Variants in ZDHHC14 observed in about 807,000 individuals in gnomAD.
ZDHHC14 encodes the protein palmitoyltransferase ZDHHC14.
Under a neutral mutation model 47.7 loss-of-function variants are expected in ZDHHC14, and 16 were observed. That is an observed-to-expected ratio of 0.34 (90% CI 0.23 to 0.51). The LOEUF is 0.51. Among genes scored for constraint, ZDHHC14 ranks in the 20% least tolerant of loss-of-function variants. The probability of loss-of-function intolerance (pLI) is 0.97; values close to 1 mark genes in which losing one functional copy is unlikely to be tolerated. For missense variants in ZDHHC14, 515 were observed against 662.5 expected (o/e 0.78, Z 2.44); for synonymous variants, 293 against 278.9 (o/e 1.05, Z -0.50).
intron 1 of ZDHHC14, among the ~76,000 whole-genome samples, chr6:157,528,257 T>C (rs1781227910): frequency 6.6e-6 from 1 of 152,240 alleles, no homozygotes; most frequent in African/African-American, 2.4e-5. Flanking sequence ...GGAATACTTC[T>C]GTTGTATTTC....
At chr6:157,660,942 T>G (rs1778319281) in intron 8 of ZDHHC14, among the ~76,000 whole-genome samples, 4 of 152,180 alleles carry the variant, frequency 2.6e-5, no homozygotes, top group Non-Finnish European at 4.4e-5. Flanking sequence ...CGGAATGTGC[T>G]AGAATGTGAC....
Position 157,608,218 on chromosome 6 carries a change from C to T in ZDHHC14, c.565+15072C>T, listed in dbSNP as rs193167615. ...GGCGTCCTCAGAGCTGTACCCAGAG[C>T]GAGAAGCACGTCATTCATTCACCCT... is the stretch of plus-strand genomic sequence containing the variant. On this transcript the variant is annotated intron_variant, in intron 3 of 8. Transcript: ENST00000359775. 1.1e-4 allele frequency among the ~76,000 whole-genome samples: 16 copies of T among 152,250 alleles called. No individual in the cohort carries two copies. In the East Asian group the frequency reaches 2.9e-3, roughly 28 times the overall value.
At chr6:157,501,053 A>G (rs565008175) in intron 1 of ZDHHC14, among the ~76,000 whole-genome samples, 15 of 152,340 alleles carry the variant, frequency 9.8e-5, no homozygotes, top group African/African-American at 3.6e-4. Context: ...TGGTAATCCT[A>G]GACAGAATCA....
At chr6:157,392,820 T>A (rs1267536170) in intron 1 of ZDHHC14, among the ~76,000 whole-genome samples, 1 of 152,222 alleles carries the variant, frequency 6.6e-6, no homozygotes, top group Non-Finnish European at 1.5e-5. Flanking sequence ...CTAGAGACTT[T>A]GGAGGTAGAC....
intron 1 of ZDHHC14, among the ~76,000 whole-genome samples, chr6:157,430,436 CAG>C (rs967439219): frequency 6.6e-6 from 1 of 152,112 alleles, no homozygotes; most frequent in Non-Finnish European, 1.5e-5. Flanking sequence ...CTGGAGGCCC[CAG>C]AGAGAACCTG....
At chr6:157,407,435 C>T (rs1777786422) in intron 1 of ZDHHC14, among the ~76,000 whole-genome samples, 1 of 152,194 alleles carries the variant, frequency 6.6e-6, no homozygotes, top group Non-Finnish European at 1.5e-5. Flanking sequence ...TTAAATTTTG[C>T]TTTCCTGTTA....
chr6:157,510,904 G>A (rs1191892977), intron 1 of ZDHHC14, among the ~76,000 whole-genome samples: 1 of 152,174 alleles, frequency 6.6e-6, no homozygotes, highest in African/African-American at 2.4e-5. Context: ...ACCATACCGG[G>A]GCTGCTTCCT....
chr6:157,449,911 A>G (rs924765740), intron 1 of ZDHHC14, among the ~76,000 whole-genome samples: 3 of 152,150 alleles, frequency 2.0e-5, no homozygotes, highest in East Asian at 1.9e-4. Flanking sequence ...CTTTCTAACC[A>G]TGTGAACTTG....
In ZDHHC14 at chr6:157,676,207, G is replaced by T. The variant is rs923382266; in HGVS notation, c.*3085G>T. 3 of 152,292 alleles carry T rather than the reference G, an allele frequency of 2.0e-5. No individual in the cohort carries two copies. Among genetic ancestry groups the T allele is most frequent in the African/African-American group, 7.2e-5 (3 of 41,472 alleles). 9.4% of individuals were successfully genotyped at this position (152,292 alleles called of 1,614,324 possible). A position where few individuals can be genotyped will look rare whatever the true frequency, so the allele number is the denominator to read the frequency against. On this transcript the variant is annotated 3_prime_UTR_variant, in exon 9 of 9. Coordinates refer to ENST00000359775, the MANE Select transcript of ZDHHC14 (RefSeq NM_024630.3). ...AAGGTGGCAGACAGACTGCATCCAG[G>T]AGGGCACAGTGACCTGTCACTCCGT...
intron 1 of ZDHHC14, among the ~76,000 whole-genome samples, chr6:157,457,140 C>T (rs930491362): frequency 4.0e-5 from 6 of 148,424 alleles, no homozygotes; most frequent in African/African-American, 7.5e-5. Flanking sequence ...CACCATTGCA[C>T]TCCAGCCTGG....
At chr6:157,443,034 T>C (rs1051077166) in intron 1 of ZDHHC14, among the ~76,000 whole-genome samples, 2 of 152,122 alleles carry the variant, frequency 1.3e-5, no homozygotes, top group South Asian at 2.1e-4. Flanking sequence ...AAACCTCAGA[T>C]TGAATTGTAA....
Position 157,628,376 on chromosome 6 carries a change from T to C in ZDHHC14, c.593T>C (p.Val198Ala). The C allele has an allele frequency of 6.2e-7, 1 of 1,612,410 alleles. No homozygotes were observed. Among genetic ancestry groups the C allele is most frequent in the Non-Finnish European group, 8.5e-7 (1 of 1,179,704 alleles). Residue 198 changes from valine (V) to alanine (A), a missense_variant, in exon 4 of 9, where the codon GTA becomes GCA. By Grantham distance (64) the Val-to-Ala change is moderately conservative. This residue lies in a region of ZDHHC14 where 229 missense variants were observed against 351.5 expected (regional missense o/e 0.65). Transcript: ENST00000359775. The stretch of plus-strand genomic sequence containing the variant: ...CGGTTTGATCACCACTGTCCCTGGG[T>C]AGGCAACTGTGTGGGGAAAAGAAAC... ...VERFDHHCPW[V>A]GNCVGKRNYR...
rs890393606 is a variant in ZDHHC14, at chr6:157,674,026, C to T, written c.*904C>T. ...AGAGTTTTTCTTGAAATGTCCCTAG[C>T]GAGGAATGGTCCCCAGACAACCAAA... On this transcript the variant is annotated 3_prime_UTR_variant, in exon 9 of 9. Coordinates refer to ENST00000359775, the MANE Select transcript of ZDHHC14 (RefSeq NM_024630.3). 3 of 152,654 alleles carry T rather than the reference C, an allele frequency of 2.0e-5. No individual in the cohort carries two copies. Among genetic ancestry groups the T allele is most frequent in the East Asian group, 1.9e-4 (1 of 5,186 alleles). The allele number at this position is 152,654 out of a possible 1,614,324, so 9.5% of individuals were successfully genotyped here.
chr6:157,381,949 G>A lies in ZDHHC14; in HGVS notation c.-73G>A, dbSNP rs986181244. The A allele has an allele frequency of 6.6e-4, 652 of 992,242 alleles. 2 individuals are homozygous for A. In the African/African-American group the frequency reaches 0.011, roughly 16 times the overall value. The allele number at this position is 992,242 out of a possible 1,614,324, so 61.5% of individuals were successfully genotyped here. A position where few individuals can be genotyped will look rare whatever the true frequency, so the allele number is the denominator to read the frequency against. Reference sequence around the variant, plus strand: ...GGGGGCGGCCGGGCGGCCGGCGGCGGTCGTGGCTCGGCGGGGCCCGCGCGG... The same window carrying A: ...GGGGGCGGCCGGGCGGCCGGCGGCGATCGTGGCTCGGCGGGGCCCGCGCGG... On this transcript the variant is annotated 5_prime_UTR_variant, in exon 1 of 9. Coordinates refer to ENST00000359775, the MANE Select transcript of ZDHHC14 (RefSeq NM_024630.3).
chr6:157,409,201 T>C (rs963208301), intron 1 of ZDHHC14, among the ~76,000 whole-genome samples: 1 of 152,224 alleles, frequency 6.6e-6, no homozygotes, highest in African/African-American at 2.4e-5. Context: ...CCAGCCGGTA[T>C]TGAGGAACAA....
At chr6:157,597,373 C>T (rs972189569) in intron 3 of ZDHHC14, among the ~76,000 whole-genome samples, 1 of 152,146 alleles carries the variant, frequency 6.6e-6, no homozygotes, top group African/African-American at 2.4e-5. Flanking sequence ...GGATGTCTGT[C>T]GTTTGGTGGG....
Position 157,446,385 on chromosome 6 carries a change from T to G in ZDHHC14, c.245+64119T>G, listed in dbSNP as rs142111842. ...TGACCCTCCAGTTGGTATATATCTCTTCCTTTTTTTTTGGTTTTTTTGTTT... is the reference window on the plus strand; with the variant it reads ...TGACCCTCCAGTTGGTATATATCTCGTCCTTTTTTTTTGGTTTTTTTGTTT... On this transcript the variant is annotated intron_variant, in intron 1 of 8. Transcript: ENST00000359775. 1.3e-3 allele frequency among the ~76,000 whole-genome samples: 198 copies of G among 152,166 alleles called. 2 individuals carry two copies. In the East Asian group the frequency reaches 0.033, roughly 26 times the overall value.
chr6:157,612,804 A>G (rs938757101), intron 3 of ZDHHC14, among the ~76,000 whole-genome samples: 2 of 151,210 alleles, frequency 1.3e-5, no homozygotes, highest in African/African-American at 2.4e-5. Context: ...CTCTTGCTGT[A>G]TCTACCTTCA....
intron 7 of ZDHHC14, among the ~76,000 whole-genome samples, chr6:157,647,903 A>G (rs931046259): frequency 6.6e-6 from 1 of 152,188 alleles, no homozygotes; most frequent in African/African-American, 2.4e-5. Flanking sequence ...GCTCTGCTCT[A>G]AGTTCTTTAT....
Sources: allele counts gnomAD v4.1 joint callset (sites outside exome capture counted in the v4.1 genomes callset), GRCh38; gene constraint gnomAD v4.1.1; regional missense constraint gnomAD v4.1.1; transcripts MANE v1.5; gene names NCBI Gene and HGNC (gene_info 2026-07-23, HGNC 2026-07-21).